PDE1C: variants seen among roughly 807,000 people sequenced by gnomAD.
PDE1C encodes dual specificity calcium/calmodulin-dependent 3',5'-cyclic nucleotide phosphodiesterase 1C.
A neutral mutation model predicts 93.1 loss-of-function variants in PDE1C; 62 were observed. That is an observed-to-expected ratio of 0.67 (90% CI 0.54 to 0.82). PDE1C has a LOEUF of 0.82. Among genes scored for constraint, PDE1C ranks in the 40% least tolerant of loss-of-function variants. The pLI is 0.00. For missense variants in PDE1C, 742 were observed against 884.6 expected (o/e 0.84, Z 2.04); for synonymous variants, 325 against 310.1 (o/e 1.05, Z -0.50).
intron 2 of PDE1C, among the ~76,000 whole-genome samples, chr7:31,970,153 T>A (rs980569759): frequency 6.6e-6 from 1 of 151,996 alleles, no homozygotes; most frequent in African/African-American, 2.4e-5. Flanking sequence ...AATAATAAAA[T>A]TTTTTTAAAA....
At chr7:32,072,624 C>T (rs1163217411), upstream of PDE1C, among the ~76,000 whole-genome samples, 1 of 150,444 alleles carries the variant, frequency 6.6e-6, no homozygotes, top group Admixed American at 6.6e-5. Context: ...ATGATAATAA[C>T]AGCAAACAAG....
At chr7:32,237,309 G>A (rs58456360) in intron 1 of PDE1C, among the ~76,000 whole-genome samples, 2,278 of 151,558 alleles carry the variant, frequency 0.015, 80 homozygotes, top group African/African-American at 0.053. Context: ...GGATGGTCTC[G>A]ATCTCCTGAC....
At chr7:32,421,739 G>A (rs1342048677) in intron 1 of PDE1C, among the ~76,000 whole-genome samples, 2 of 152,112 alleles carry the variant, frequency 1.3e-5, no homozygotes, top group Admixed American at 6.6e-5. Context: ...TTATTAAAAG[G>A]GAACAGTAAA....
At chr7:32,091,085 C>A (rs1428132627) in intron 3 of PDE1C, among the ~76,000 whole-genome samples, 1 of 152,158 alleles carries the variant, frequency 6.6e-6, no homozygotes, top group Admixed American at 6.5e-5. Context: ...AAGGACTGTG[C>A]CTTTCATATT....
chr7:32,108,347 T>C (rs1271754584), intron 3 of PDE1C, among the ~76,000 whole-genome samples: 1 of 148,592 alleles, frequency 6.7e-6, no homozygotes, highest in Non-Finnish European at 1.5e-5. Context: ...TCTTAGAAAT[T>C]AAGAATATGA....
intron 1 of PDE1C, among the ~76,000 whole-genome samples, chr7:32,236,531 CA>C (rs34078643): frequency 0.11 from 15,977 of 151,810 alleles, 900 homozygotes; most frequent in East Asian, 0.13. Context: ...ACACAGTAGT[CA>C]AAAAAAGCAC....
the PDE1C span, among the ~76,000 whole-genome samples, chr7:31,685,474 A>G: frequency 6.3e-4 from 96 of 152,134 alleles, no homozygotes; most frequent in Non-Finnish European, 1.5e-5. Context: ...TATTACCTCA[A>G]AACAGTTTAA....
chr7:32,309,263 C>T (rs538956458), intron 1 of PDE1C, among the ~76,000 whole-genome samples: 42 of 152,242 alleles, frequency 2.8e-4, no homozygotes, highest in Middle Eastern at 3.4e-3. Context: ...AAGACTAAAC[C>T]TACGTCTGAT....
chr7:32,080,142 G>T (rs369377772), intron 3 of PDE1C, among the ~76,000 whole-genome samples: 1 of 152,156 alleles, frequency 6.6e-6, no homozygotes, highest in East Asian at 1.9e-4. Context: ...GAGCAATGTG[G>T]CAAGGGGAGA....
chr7:32,091,310 C>G (rs2128744723), intron 3 of PDE1C, among the ~76,000 whole-genome samples: 1 of 152,290 alleles, frequency 6.6e-6, no homozygotes, highest in South Asian at 2.1e-4. Context: ...ATGTAATCTT[C>G]TCTGAGACTA....
chr7:32,020,847 T>C (rs1056631080), intron 2 of PDE1C, among the ~76,000 whole-genome samples: 2 of 152,150 alleles, frequency 1.3e-5, no homozygotes, highest in Non-Finnish European at 2.9e-5. Flanking sequence ...GCCAGGAACA[T>C]GAAATTCAAA....
chr7:32,008,640 G>A (rs952261848), intron 2 of PDE1C, among the ~76,000 whole-genome samples: 1 of 152,148 alleles, frequency 6.6e-6, no homozygotes, highest in African/African-American at 2.4e-5. Flanking sequence ...CTATAGGCTA[G>A]TGATTTCCAG....
At chr7:32,230,278 T>C (rs140481381) in intron 1 of PDE1C, among the ~76,000 whole-genome samples, 12 of 152,246 alleles carry the variant, frequency 7.9e-5, no homozygotes, top group African/African-American at 2.9e-4. Flanking sequence ...GCCAAGGTGA[T>C]AGGAGCCAAG....
chr7:31,945,119 C>G (rs1341831671), intron 2 of PDE1C, among the ~76,000 whole-genome samples: 1 of 152,126 alleles, frequency 6.6e-6, no homozygotes, highest in Non-Finnish European at 1.5e-5. Context: ...ACATTCCACT[C>G]ACATCACATG....
At chr7:32,087,070 C>A (rs953709580) in intron 3 of PDE1C, among the ~76,000 whole-genome samples, 1 of 152,046 alleles carries the variant, frequency 6.6e-6, no homozygotes, top group Non-Finnish European at 1.5e-5. Flanking sequence ...AACAGGCAAC[C>A]TACAAAATGG....
At chr7:31,695,610 C>A in the PDE1C span, 1 of 1,612,174 alleles carries the variant, frequency 6.2e-7, no homozygotes. Context: ...CACATCCCAC[C>A]TTTCATACCA....
At chr7:31,976,779 G>T (rs80281693) in intron 2 of PDE1C, among the ~76,000 whole-genome samples, 6,414 of 152,160 alleles carry the variant, frequency 0.042, 217 homozygotes, top group South Asian at 0.09. Flanking sequence ...TGTTTCAAAG[G>T]TTTCCCATTG....
At chr7:31,789,584 A>C in intron 16 of PDE1C, 2 of 823,896 alleles carry the variant, frequency 2.4e-6, no homozygotes, top group Non-Finnish European at 2.9e-6. Context: ...ATTAGCCATC[A>C]AATAAAGATT....
intron 2 of PDE1C, among the ~76,000 whole-genome samples, chr7:31,983,687 C>A (rs554280510): frequency 8.8e-4 from 134 of 152,230 alleles, no homozygotes; most frequent in African/African-American, 3.1e-3. Flanking sequence ...GCTGCACAGA[C>A]CTTTAGTGTC....
Sources: allele counts gnomAD v4.1 joint callset (sites outside exome capture counted in the v4.1 genomes callset), GRCh38; gene constraint gnomAD v4.1.1; transcripts MANE v1.5; gene names NCBI Gene and HGNC (gene_info 2026-07-23, HGNC 2026-07-21).